FLT3: variants seen among roughly 807,000 people sequenced by gnomAD.
The protein encoded by FLT3 is fms related receptor tyrosine kinase 3, also known as receptor-type tyrosine-protein kinase FLT3.
A neutral mutation model predicts 126.6 loss-of-function variants in FLT3; 46 were observed. The ratio of observed to expected loss-of-function variants is 0.36; its 90% confidence interval spans 0.29 to 0.46. FLT3 has a LOEUF of 0.46. Ranked by LOEUF, FLT3 falls within the 20% of genes least tolerant of loss-of-function variation. FLT3 has a pLI of 1.00. For missense variants in FLT3, 1,069 were observed against 1,190.3 expected (o/e 0.90, Z 1.50); for synonymous variants, 404 against 434.4 (o/e 0.93, Z 0.87).
chr13:28,017,365 G>C (rs1423514085), intron 20 of FLT3, among the ~76,000 whole-genome samples: 1 of 151,952 alleles, frequency 6.6e-6, no homozygotes, highest in Non-Finnish European at 1.5e-5. Context: ...TGAGACCACA[G>C]GCGTGTGCCA....
intron 8 of FLT3, 122 bp from the exon 9 acceptor site, chr13:28,048,565 G>T: frequency 1.5e-6 from 1 of 689,462 alleles, no homozygotes; most frequent in Non-Finnish European, 2.4e-6. Context: ...TTGGCATGCT[G>T]CAGGTCAGGT....
intron 21 of FLT3, 60 bp from the exon 22 acceptor site, chr13:28,015,316 C>G: frequency 8.9e-7 from 1 of 1,119,392 alleles, no homozygotes; most frequent in Non-Finnish European, 1.4e-6. Flanking sequence ...TTTATTGATT[C>G]ATTCAATTAA....
intron 1 of FLT3, among the ~76,000 whole-genome samples, chr13:28,072,913 G>A (rs1015484803): frequency 1.3e-5 from 2 of 152,060 alleles, no homozygotes; most frequent in Non-Finnish European, 2.9e-5. Context: ...GCTGAGGCAG[G>A]AGAATAGCGT....
intron 1 of FLT3, among the ~76,000 whole-genome samples, chr13:28,097,268 A>AAGG (rs1879518668): frequency 6.6e-6 from 1 of 152,014 alleles, no homozygotes; most frequent in South Asian, 2.1e-4. Context: ...GGAAGGAAGG[A>AAGG]AAAAAATGGG....
chr13:28,066,107 T>C (rs1877010445), intron 2 of FLT3, among the ~76,000 whole-genome samples: 1 of 151,934 alleles, frequency 6.6e-6, no homozygotes. Context: ...AATAACACCA[T>C]AGTGAAGGGA....
intron 23 of FLT3, among the ~76,000 whole-genome samples, chr13:28,011,679 C>CCTT (rs1871381826): frequency 1.4e-5 from 2 of 141,798 alleles, no homozygotes; most frequent in African/African-American, 5.1e-5. Flanking sequence ...TTCCTTCCTT[C>CCTT]CCTCCTCCTT....
At chr13:28,076,752 A>C (rs1424766215) in intron 1 of FLT3, among the ~76,000 whole-genome samples, 1 of 152,090 alleles carries the variant, frequency 6.6e-6, no homozygotes, top group African/African-American at 2.4e-5. Flanking sequence ...ACACAGTGAA[A>C]CTCTGTCTCT....
chr13:28,028,335 G>T (rs772006161), intron 15 of FLT3, 47 bp from the exon 16 acceptor site: 1 of 955,704 alleles, frequency 1.0e-6, no homozygotes, highest in South Asian at 1.3e-5. Flanking sequence ...AGTAAAATAC[G>T]AATTTTATGT....
At chr13:28,025,290 C>G (rs535420958) in intron 17 of FLT3, 11 of 401,924 alleles carry the variant, frequency 2.7e-5, no homozygotes, top group Non-Finnish European at 4.2e-5. Context: ...TCACATCGAT[C>G]TCATTCTTTG....
chr13:28,003,769 C>T lies in FLT3; in HGVS notation c.*283G>A. 2.3e-6 allele frequency: 1 copy of T among 433,788 alleles called. No individual in the cohort carries two copies. The highest frequency in any genetic ancestry group is 4.2e-6 in the Non-Finnish European group (1 of 238,890). The allele number at this position is 433,788 out of a possible 1,614,324, so 26.9% of individuals were successfully genotyped here. A position where few individuals can be genotyped will look rare whatever the true frequency, so the allele number is the denominator to read the frequency against. On this transcript the variant is annotated 3_prime_UTR_variant, in exon 24 of 24. Coordinates refer to ENST00000241453, the MANE Select transcript of FLT3 (RefSeq NM_004119.3). ...GTATTTACAAGAATATACTGTACTT[C>T]AGGTACACAATTCACTCAAGCCAGC...
chr13:28,052,392 G>A (rs1401264659), intron 5 of FLT3, among the ~76,000 whole-genome samples, 153 bp downstream of exon 5: 1 of 152,086 alleles, frequency 6.6e-6, no homozygotes, highest in African/African-American at 2.4e-5. Context: ...CACTTCACCC[G>A]GCCCTATACT....
chr13:28,083,182 A>T (rs116474561), intron 1 of FLT3, among the ~76,000 whole-genome samples: 5,871 of 152,212 alleles, frequency 0.039, 369 homozygotes, highest in African/African-American at 0.13. Context: ...GGTTTTTGTC[A>T]GTAATGGATA....
intron 18 of FLT3, among the ~76,000 whole-genome samples, chr13:28,024,286 C>T (rs1316379425): frequency 6.6e-6 from 1 of 152,054 alleles, no homozygotes; most frequent in Non-Finnish European, 1.5e-5. Context: ...CGTGCACCAC[C>T]ATACCCAGCT....
At chr13:28,062,215 G>T in intron 2 of FLT3, 146 bp from the exon 3 acceptor site, 1 of 614,152 alleles carries the variant, frequency 1.6e-6, no homozygotes. Context: ...AGAACACGTT[G>T]CCGACTGAAG....
intron 1 of FLT3, among the ~76,000 whole-genome samples, chr13:28,098,496 T>C (rs1046275627): frequency 2.6e-5 from 4 of 152,174 alleles, no homozygotes; most frequent in African/African-American, 9.7e-5. Flanking sequence ...TGTGAGGAAC[T>C]GGAACTGCCA....
At chr13:28,060,967 C>T (rs991079897) in intron 3 of FLT3, among the ~76,000 whole-genome samples, 1 of 152,076 alleles carries the variant, frequency 6.6e-6, no homozygotes, top group African/African-American at 2.4e-5. Context: ...CAGAAAGATG[C>T]CATATATGCC....
At chr13:28,064,872 C>A (rs1876878300) in intron 2 of FLT3, among the ~76,000 whole-genome samples, 2 of 152,150 alleles carry the variant, frequency 1.3e-5, no homozygotes, top group Non-Finnish European at 2.9e-5. Context: ...AATAAGCACA[C>A]CTCTAGCAAT....
At chr13:28,072,899 GGAGGCTGAGGCAGGAGAATA>G (rs1464184315) in intron 1 of FLT3, among the ~76,000 whole-genome samples, 1 of 152,082 alleles carries the variant, frequency 6.6e-6, no homozygotes, top group Non-Finnish European at 1.5e-5. Context: ...CAGCTACTCG[GGAGGCTGAGGCAGGAGAATA>G]GCGTAAACCC....
Position 28,029,552 on chromosome 13 carries a change from C to G in FLT3, c.1943-1264G>C, listed in dbSNP as rs548587314. Among the ~76,000 whole-genome samples, 5 of 152,326 alleles carry G rather than the reference C, an allele frequency of 3.3e-5. No individual in the cohort carries two copies. In the East Asian group the frequency reaches 7.7e-4, roughly 23 times the overall value. On this transcript the variant is annotated intron_variant, in intron 15 of 23. Transcript: ENST00000241453. ...AAAATAATAACACATGCTTTTCCTC[C>G]TCAGTACAAGTTAACAGAAGGGAGA...
Sources: gnomAD v4.1 joint callset for allele counts (sites outside exome capture counted in the v4.1 genomes callset) on GRCh38, gnomAD v4.1.1 for gene constraint, MANE v1.5 for transcripts, NCBI Gene and HGNC (gene_info 2026-07-23, HGNC 2026-07-21) for gene names.